Variants in DRAM2 observed in about 807,000 individuals in gnomAD.
The protein encoded by DRAM2 is DNA damage-regulated autophagy modulator protein 2.
Under a neutral mutation model 33.5 loss-of-function variants are expected in DRAM2, and 26 were observed. That is an observed-to-expected ratio of 0.78 (90% CI 0.57 to 1.08). The LOEUF is 1.08. Ranked by LOEUF, DRAM2 falls within the 50% of genes least tolerant of loss-of-function variation. The pLI is 0.00. For missense variants in DRAM2, 311 were observed against 318.1 expected, an observed-to-expected ratio of 0.98 and a Z score of 0.17; for synonymous variants, 98 against 109.5, an observed-to-expected ratio of 0.89 and a Z score of 0.66.
Position 111,118,895 on chromosome 1 carries a change from A to T in DRAM2, c.603T>A (p.Gly201=). The change falls in exon 9 of 10, where the codon GGT becomes GGA. Residue 201 remains glycine (G), a splice_region_variant and synonymous_variant. Coordinates refer to ENST00000484310, the MANE Select transcript of DRAM2 (RefSeq NM_001349884.2). ...CAGTAGTGATCATGTGAAGCACATA[A>T]CCCTGAGTGATGGGAAAAAAAGAAT... ...QKLHWNPEDK[G]YVLHMITTAA... is the part of the protein sequence containing the mutation. The T allele has an allele frequency of 6.3e-7, 1 of 1,599,076 alleles. No individual in the cohort carries two copies. The highest frequency in any genetic ancestry group is 1.3e-5 in the African/African-American group (1 of 74,248).
At chr1:111,126,997 G>A (rs184515886) in intron 4 of DRAM2, among the ~76,000 whole-genome samples, 9 of 152,164 alleles carry the variant, frequency 5.9e-5, no homozygotes, top group Middle Eastern at 3.4e-3. Flanking sequence ...CAACACACCG[G>A]GGCAGATTAA....
intron 7 of DRAM2, among the ~76,000 whole-genome samples, chr1:111,120,256 T>C (rs1167256249): frequency 6.6e-6 from 1 of 151,562 alleles, no homozygotes; most frequent in Non-Finnish European, 1.5e-5. Context: ...CCTCATTTCT[T>C]TGAAGTGAGT....
intron 6 of DRAM2, among the ~76,000 whole-genome samples, chr1:111,123,663 C>CA (rs1425308959): frequency 1.3e-5 from 2 of 152,064 alleles, no homozygotes; most frequent in Non-Finnish European, 2.9e-5. Flanking sequence ...ATTTGATCCT[C>CA]AATGTTGGAA....
At chr1:111,119,017 T>G in intron 8 of DRAM2, 120 bp from the exon 9 acceptor site, 1 of 602,838 alleles carries the variant, frequency 1.7e-6, no homozygotes. Context: ...AAATCAACCC[T>G]TGACTTACCA....
At chr1:111,122,225 T>C (rs556007279) in intron 6 of DRAM2, among the ~76,000 whole-genome samples, 1 of 152,298 alleles carries the variant, frequency 6.6e-6, no homozygotes, top group East Asian at 1.9e-4. Flanking sequence ...CAAAATGAGA[T>C]GTATATACGT....
At position 111,118,217 on chromosome 1, in the gene DRAM2, G is replaced by C. The variant is rs1169826275; in HGVS notation, c.744C>G (p.Asp248Glu). The C allele has an allele frequency of 5.0e-6, 8 of 1,612,990 alleles. No individual in the cohort carries two copies. In the African/African-American group the frequency reaches 1.1e-4, roughly 22 times the overall value. Reference sequence around the variant, plus strand: ...CATTGTTAATAGGGCAAGGTGCAGTGTCATAGAGGGTTAATCCATGTAAAT... The same window carrying C: ...CATTGTTAATAGGGCAAGGTGCAGTCTCATAGAGGGTTAATCCATGTAAAT... ...EANLHGLTLY[D>E]TAPCPINNER... Residue 248 changes from aspartate (D) to glutamate (E), a missense_variant, in exon 10 of 10, where the codon GAC (aspartate) becomes GAG (glutamate). Asp to Glu is a conservative substitution (Grantham distance 45). Transcript: ENST00000484310.
At chr1:111,129,650 A>C (rs1651677887) in intron 4 of DRAM2, among the ~76,000 whole-genome samples, 1 of 152,140 alleles carries the variant, frequency 6.6e-6, no homozygotes, top group Non-Finnish European at 1.5e-5. Flanking sequence ...TAGCAATCTC[A>C]CTTCTAGAAA....
At chr1:111,120,096 C>T (rs1431666840) in intron 7 of DRAM2, 137 bp from the exon 8 acceptor site, 3 of 738,456 alleles carry the variant, frequency 4.1e-6, no homozygotes, top group African/African-American at 3.6e-5. Flanking sequence ...TGTTACACAG[C>T]AGTGGTACTG....
At chr1:111,135,123 T>C (rs1652907299) in intron 3 of DRAM2, among the ~76,000 whole-genome samples, 1 of 152,172 alleles carries the variant, frequency 6.6e-6, no homozygotes, top group South Asian at 2.1e-4. Flanking sequence ...TGTAGACTTT[T>C]GTGGGTCCTG....
intron 6 of DRAM2, among the ~76,000 whole-genome samples, chr1:111,121,626 T>C (rs1272101818): frequency 6.6e-6 from 1 of 152,196 alleles, no homozygotes; most frequent in African/African-American, 2.4e-5. Context: ...AAATTTGTTT[T>C]AAAAGAAATT....
chr1:111,120,686 G>A lies in DRAM2; in HGVS notation c.347C>T (p.Thr116Ile), dbSNP rs191834315. 189 of 1,532,008 alleles carry A rather than the reference G, an allele frequency of 1.2e-4. No individual in the cohort carries two copies. Among genetic ancestry groups the A allele is most frequent in the Non-Finnish European group, 1.6e-5 (18 of 1,137,690 alleles). 94.9% of individuals were successfully genotyped at this position (1,532,008 alleles called of 1,614,324 possible). ...TCCACTTACATGTGCAGCAAAAAGG[G>A]TTGTTTTCTGAGAGATAGAGAGAAG... ...LSIVANFQKT[T>I]LFAAHVSGAV... The change falls in exon 7 of 10, where the codon ACC becomes ATC. Residue 116 changes from threonine to isoleucine, a missense_variant. Physicochemically the swap from Thr to Ile is moderately conservative, Grantham distance 89. Coordinates refer to ENST00000484310, the MANE Select transcript of DRAM2 (RefSeq NM_001349884.2).
At chr1:111,137,803 A>C (rs935508242) in intron 2 of DRAM2, among the ~76,000 whole-genome samples, 1 of 152,222 alleles carries the variant, frequency 6.6e-6, no homozygotes, top group African/African-American at 2.4e-5. Flanking sequence ...CCAGGATATA[A>C]ATTTTCATAT....
Position 111,118,105 on chromosome 1 carries a change from ACCTTTCC to A in DRAM2, c.*48_*54del. On this transcript the variant is annotated 3_prime_UTR_variant, in exon 10 of 10. Coordinates refer to ENST00000484310, the MANE Select transcript of DRAM2 (RefSeq NM_001349884.2). ...AGAGAAGAATAAGCAACTTCTGTGA[ACCTTTCC>A]CCAATCCCTGAGAATCATAATCATT... 1 of 1,554,820 alleles carries A rather than the reference ACCTTTCC, an allele frequency of 6.4e-7. No homozygotes were observed. Among genetic ancestry groups the A allele is most frequent in the African/African-American group, 1.4e-5 (1 of 73,696 alleles).
chr1:111,118,740 A>G (rs1649401664), intron 9 of DRAM2, 65 bp downstream of exon 9: 10 of 1,271,530 alleles, frequency 7.9e-6, no homozygotes, highest in African/African-American at 1.5e-5. Context: ...AAGTTCTCTT[A>G]GTCTACCTTC....
rs371648906 is a variant in DRAM2 at position 111,133,524 on chromosome 1, C to T, written c.-14-1956G>A. On this transcript the variant is annotated intron_variant, in intron 3 of 9. Coordinates refer to ENST00000484310, the MANE Select transcript of DRAM2 (RefSeq NM_001349884.2). ...ATTCACCTCTGGGCCATGCTTGGTTCTCAATTCTTTGCTCTAGCTATCATT... is the reference window on the plus strand; with the variant it reads ...ATTCACCTCTGGGCCATGCTTGGTTTTCAATTCTTTGCTCTAGCTATCATT... Among the ~76,000 whole-genome samples, 8 of 152,284 alleles carry T rather than the reference C, an allele frequency of 5.3e-5. No individual in the cohort carries two copies. The East Asian group carries it at 1.2e-3, about 22-fold the overall frequency.
At chr1:111,126,656 A>G (rs540921164) in intron 4 of DRAM2, among the ~76,000 whole-genome samples, 246 of 73,170 alleles carry the variant, frequency 3.4e-3, no homozygotes, top group African/African-American at 0.018. Flanking sequence ...GGCTTTTCAC[A>G]ACTGCCTTTT....
intron 3 of DRAM2, among the ~76,000 whole-genome samples, chr1:111,132,316 T>C (rs1652265983): frequency 6.6e-6 from 1 of 152,216 alleles, no homozygotes; most frequent in South Asian, 2.1e-4. Flanking sequence ...TCCATATCCC[T>C]TGCCTTATGC....
At chr1:111,139,969 G>A (rs944199952) in intron 1 of DRAM2, 69 bp downstream of exon 1, 1 of 152,436 alleles carries the variant, frequency 6.6e-6, no homozygotes, top group African/African-American at 2.4e-5. Context: ...CCCACCCTCT[G>A]ACGCACCCTT....
At chr1:111,130,357 T>C (rs990947870) in intron 4 of DRAM2, among the ~76,000 whole-genome samples, 1 of 152,192 alleles carries the variant, frequency 6.6e-6, no homozygotes, top group South Asian at 2.1e-4. Flanking sequence ...GTTTCTACCT[T>C]ATCCAGTTGT....
Sources: gnomAD v4.1 joint callset for allele counts (sites outside exome capture counted in the v4.1 genomes callset) on GRCh38, gnomAD v4.1.1 for gene constraint, MANE v1.5 for transcripts, NCBI Gene and HGNC (gene_info 2026-07-23, HGNC 2026-07-21) for gene names.